Variants in PLXNA2 observed in about 807,000 individuals in gnomAD.
The protein encoded by PLXNA2 is plexin A2.
A neutral mutation model predicts 193.5 loss-of-function variants in PLXNA2; 91 were observed. That is an observed-to-expected ratio of 0.47 (90% confidence interval 0.40 to 0.56). The LOEUF is 0.56. Ranked by LOEUF, PLXNA2 falls within the 20% of genes least tolerant of loss-of-function variation. PLXNA2 has a pLI of 0.00. For synonymous variants in PLXNA2, 997 were observed against 1,027.3 expected, an observed-to-expected ratio of 0.97 and a Z score of 0.56; for missense variants, 1,995 against 2,503.2, an observed-to-expected ratio of 0.80 and a Z score of 4.33.
chr1:208,189,099 G>C (rs1295654064), intron 3 of PLXNA2, among the ~76,000 whole-genome samples: 1 of 152,210 alleles, frequency 6.6e-6, no homozygotes, highest in Non-Finnish European at 1.5e-5. Flanking sequence ...ACAGTCATGA[G>C]GACAATCACA....
At position 208,213,191 on chromosome 1, in the gene PLXNA2, C is replaced by G. The variant is rs566415112; in HGVS notation, c.1189-2729G>C. Among the ~76,000 whole-genome samples, 121 of 152,214 alleles carry G rather than the reference C, an allele frequency of 7.9e-4. 3 individuals are homozygous for G. In the South Asian group the frequency reaches 0.024, roughly 30 times the overall value. On this transcript the variant is annotated intron_variant, in intron 2 of 31. Transcript: ENST00000367033. ...AAAAAAAAAAAGATTTATTCTCAGC[C>G]TAAGCCCTTAGGATTGGCTGGAATT...
intron 1 of PLXNA2, chr1:208,230,275 C>T (rs1671647009): frequency 6.6e-6 from 1 of 152,244 alleles, no homozygotes; most frequent in African/African-American, 2.4e-5. Context: ...CAGCACCTGC[C>T]TCCCCAGACC....
intron 4 of PLXNA2, among the ~76,000 whole-genome samples, chr1:208,113,864 C>T (rs1308754378): frequency 1.3e-5 from 2 of 152,214 alleles, no homozygotes; most frequent in South Asian, 2.1e-4. Flanking sequence ...CCCCAAATGG[C>T]CTTTTTTAAT....
At chr1:208,059,718 A>C (rs1170726009) in intron 13 of PLXNA2, among the ~76,000 whole-genome samples, 2 of 152,234 alleles carry the variant, frequency 1.3e-5, no homozygotes, top group Non-Finnish European at 2.9e-5. Context: ...GCTTTGCAGA[A>C]TGATGATAAC....
At chr1:208,175,497 T>G (rs1669633279) in intron 3 of PLXNA2, among the ~76,000 whole-genome samples, 1 of 152,232 alleles carries the variant, frequency 6.6e-6, no homozygotes, top group Admixed American at 6.5e-5. Context: ...AGAGGCTACC[T>G]GGCCTGGAGG....
At chr1:208,170,591 A>T (rs1027201890) in intron 3 of PLXNA2, among the ~76,000 whole-genome samples, 1 of 152,250 alleles carries the variant, frequency 6.6e-6, no homozygotes, top group Non-Finnish European at 1.5e-5. Context: ...TAGTTCAACC[A>T]AGCACAAGAA....
At chr1:208,039,820 C>A in intron 23 of PLXNA2, 53 bp from the exon 24 acceptor site, 2 of 1,611,568 alleles carry the variant, frequency 1.2e-6, no homozygotes. Flanking sequence ...CAGGTTTGTA[C>A]GTTTTCCCTT....
chr1:208,243,297 G>A (rs2102657827), intron 1 of PLXNA2, among the ~76,000 whole-genome samples: 1 of 152,204 alleles, frequency 6.6e-6, no homozygotes, highest in Non-Finnish European at 1.5e-5. Context: ...TTGCCGCCCC[G>A]AGCTCCCCAA....
chr1:208,087,963 A>T (rs959460148), intron 9 of PLXNA2, among the ~76,000 whole-genome samples: 2 of 152,164 alleles, frequency 1.3e-5, no homozygotes, highest in Non-Finnish European at 2.9e-5. Context: ...TACCTGTCTT[A>T]TGAAAAAGAA....
chr1:208,209,678 C>G (rs567377992), intron 3 of PLXNA2, among the ~76,000 whole-genome samples: 2 of 152,262 alleles, frequency 1.3e-5, no homozygotes, highest in South Asian at 4.2e-4. Context: ...GGTAAAATGT[C>G]TACTTCCACC....
intron 3 of PLXNA2, among the ~76,000 whole-genome samples, chr1:208,183,254 G>A (rs966793237): frequency 3.3e-5 from 5 of 152,188 alleles, no homozygotes; most frequent in Non-Finnish European, 7.4e-5. Flanking sequence ...AACCAGACAA[G>A]GTTCATCCTG....
At chr1:208,178,486 G>A (rs1669734738) in intron 3 of PLXNA2, among the ~76,000 whole-genome samples, 1 of 152,178 alleles carries the variant, frequency 6.6e-6, no homozygotes, top group East Asian at 1.9e-4. Context: ...CTTGAGGAAG[G>A]CCTAAAATAC....
intron 12 of PLXNA2, among the ~76,000 whole-genome samples, chr1:208,061,535 A>G (rs1439628927): frequency 1.3e-5 from 2 of 152,214 alleles, no homozygotes; most frequent in Non-Finnish European, 2.9e-5. Context: ...TCAAAGATGG[A>G]AAGTGCACTT....
chr1:208,049,306 C>CTTTT (rs35088178), intron 17 of PLXNA2, among the ~76,000 whole-genome samples: 1 of 141,550 alleles, frequency 7.1e-6, no homozygotes, highest in Non-Finnish European at 1.5e-5. Context: ...AATTTGCTTG[C>CTTTT]TTTTTTTTTT....
intron 2 of PLXNA2, among the ~76,000 whole-genome samples, chr1:208,211,655 T>C (rs986176549): frequency 8.9e-5 from 13 of 146,146 alleles, no homozygotes; most frequent in Non-Finnish European, 1.3e-4. Flanking sequence ...ATTGCGCCAC[T>C]GCACTCCAGC....
chr1:208,147,384 A>G (rs1668632993), intron 3 of PLXNA2, among the ~76,000 whole-genome samples: 1 of 152,170 alleles, frequency 6.6e-6, no homozygotes, highest in Non-Finnish European at 1.5e-5. Context: ...TTACTATAGA[A>G]TGGGTGACTA....
In PLXNA2 at chr1:208,028,736, A is replaced by G; in HGVS notation, c.5438+94T>C. 8.6e-7 allele frequency: 1 copy of G among 1,161,690 alleles called. No homozygotes were observed. The highest frequency in any genetic ancestry group is 1.2e-6 in the Non-Finnish European group (1 of 808,478). The allele number at this position is 1,161,690 out of a possible 1,614,324, so 72.0% of individuals were successfully genotyped here. ...GTGGGAGGTCCTGAAGAGATGACAGACACCGTCGTCTGAGTCCTTAGTCAG... is the reference window on the plus strand; with the variant it reads ...GTGGGAGGTCCTGAAGAGATGACAGGCACCGTCGTCTGAGTCCTTAGTCAG... On this transcript the variant is annotated intron_variant, in intron 30 of 31. Coordinates refer to ENST00000367033, the MANE Select transcript of PLXNA2 (RefSeq NM_025179.4). This position sits in a 1 kb window ranked among gnomAD's most constrained non-coding sequence, Gnocchi z 4.2.
intron 12 of PLXNA2, among the ~76,000 whole-genome samples, chr1:208,063,645 T>C (rs947302511): frequency 2.6e-5 from 4 of 152,000 alleles, no homozygotes; most frequent in Non-Finnish European, 5.9e-5. Flanking sequence ...CTTCTTTCTA[T>C]GCAGTGTACC....
At chr1:208,104,532 A>G (rs143710544) in intron 4 of PLXNA2, among the ~76,000 whole-genome samples, 9 of 152,306 alleles carry the variant, frequency 5.9e-5, no homozygotes, top group Admixed American at 5.9e-4. Flanking sequence ...AGAGGTGACC[A>G]GTGGTGTAGG....
Sources: allele counts gnomAD v4.1 joint callset (sites outside exome capture counted in the v4.1 genomes callset), GRCh38; gene constraint gnomAD v4.1.1; non-coding constraint Gnocchi (gnomAD v3.1); transcripts MANE v1.5; gene names NCBI Gene and HGNC (gene_info 2026-07-23, HGNC 2026-07-21).